Variants in SULF2 observed in about 807,000 individuals in gnomAD.
SULF2 encodes extracellular sulfatase Sulf-2.
SULF2 carries 52 observed loss-of-function variants against 107.7 expected under a neutral mutation model. That is an observed-to-expected ratio of 0.48 (90% confidence interval 0.39 to 0.61). SULF2 has a LOEUF of 0.61. Ranked by LOEUF, SULF2 falls within the 20% of genes least tolerant of loss-of-function variation. The pLI is 0.00. For synonymous variants in SULF2, 460 were observed against 464.3 expected (o/e 0.99, Z 0.12); for missense variants, 993 against 1,177.3 (o/e 0.84, Z 2.29).
At chr20:47,702,199 AG>A (rs1437032300) in intron 4 of SULF2, among the ~76,000 whole-genome samples, 1 of 152,152 alleles carries the variant, frequency 6.6e-6, no homozygotes, top group Non-Finnish European at 1.5e-5. Flanking sequence ...CTGGGTCCAC[AG>A]GCATGTGCCA....
At position 47,684,422 on chromosome 20, in the gene SULF2, G is replaced by A. The variant is rs2087928831; in HGVS notation, c.888+9C>T. 1 of 1,604,588 alleles carries A rather than the reference G, an allele frequency of 6.2e-7. No homozygotes were observed. Among genetic ancestry groups the A allele is most frequent in the African/African-American group, 1.3e-5 (1 of 74,664 alleles). On this transcript the variant is annotated intron_variant, in intron 6 of 20. Transcript: ENST00000688720. ...CACGCCCACCAAGAGGCATGCAGCG[G>A]GCGCCTACCGTCTCCATGGAGTCGT... is the stretch of plus-strand genomic sequence containing the variant.
intron 4 of SULF2, among the ~76,000 whole-genome samples, chr20:47,697,719 CA>C (rs1458387599): frequency 6.6e-6 from 1 of 152,170 alleles, no homozygotes; most frequent in Non-Finnish European, 1.5e-5. Context: ...TTCTCATTCA[CA>C]GGGGGAGATG....
intron 3 of SULF2, among the ~76,000 whole-genome samples, chr20:47,733,645 C>T (rs1037857467): frequency 2.6e-5 from 4 of 152,158 alleles, no homozygotes; most frequent in African/African-American, 7.2e-5. Flanking sequence ...TAGTGGCAGG[C>T]GTCTGTAATC....
intron 4 of SULF2, among the ~76,000 whole-genome samples, chr20:47,696,937 C>G (rs75703242): frequency 0.044 from 6,688 of 152,298 alleles, 212 homozygotes; most frequent in Non-Finnish European, 0.067. Context: ...GAGCTACAAC[C>G]AGCTGCTCCA....
intron 3 of SULF2, among the ~76,000 whole-genome samples, chr20:47,707,921 C>A (rs2088802156): frequency 6.6e-6 from 1 of 152,110 alleles, no homozygotes; most frequent in South Asian, 2.1e-4. Flanking sequence ...CAGAGTGAAA[C>A]AATCTAGGGT....
chr20:47,732,799 C>CG (rs1174497637), intron 3 of SULF2, among the ~76,000 whole-genome samples: 1 of 152,050 alleles, frequency 6.6e-6, no homozygotes, highest in African/African-American at 2.4e-5. Context: ...GCTGAGATTA[C>CG]GCCACTGCAC....
intron 1 of SULF2, among the ~76,000 whole-genome samples, chr20:47,776,876 G>C (rs2090735154): frequency 6.6e-6 from 1 of 152,218 alleles, no homozygotes; most frequent in Non-Finnish European, 1.5e-5. Flanking sequence ...ATGACTAACA[G>C]GTTTTGACAT....
chr20:47,703,170 T>C (rs556684457), intron 3 of SULF2, among the ~76,000 whole-genome samples: 9 of 152,340 alleles, frequency 5.9e-5, no homozygotes, highest in African/African-American at 1.9e-4. Context: ...GTGTTGGGAT[T>C]ACAGGCGTGA....
chr20:47,679,566 G>T (rs1602625803), intron 7 of SULF2, among the ~76,000 whole-genome samples: 1 of 152,340 alleles, frequency 6.6e-6, no homozygotes, highest in East Asian at 1.9e-4. Context: ...TCAGCAGCTA[G>T]ACTGTGAGCA....
chr20:47,780,015 C>CTTT (rs74178766), intron 1 of SULF2, among the ~76,000 whole-genome samples: 12,952 of 120,268 alleles, frequency 0.11, 966 homozygotes, highest in South Asian at 0.19. Flanking sequence ...CCCTAGTTGA[C>CTTT]TTTTTTTTTT....
rs955952243 is a variant in SULF2, at chr20:47,741,286, G to T, written c.176-4344C>A. On this transcript the variant is annotated intron_variant, in intron 2 of 20. Coordinates refer to ENST00000688720, the MANE Select transcript of SULF2 (RefSeq NM_001387048.1). ...TCCGCCCACTCTCTGCAGCCACAGG[G>T]TCCCCTGCTCTGTCCACAGACTGAC... Among the ~76,000 whole-genome samples, 4 of 150,290 alleles carry T rather than the reference G, an allele frequency of 2.7e-5. No individual in the cohort carries two copies. In the East Asian group the frequency reaches 7.9e-4, roughly 30 times the overall value.
At chr20:47,775,105 C>A (rs1286051435) in intron 1 of SULF2, among the ~76,000 whole-genome samples, 1 of 152,216 alleles carries the variant, frequency 6.6e-6, no homozygotes, top group African/African-American at 2.4e-5. Context: ...AAAAGCCACA[C>A]TGCCTGGTAT....
At chr20:47,784,648 G>A (rs1021994025) in intron 1 of SULF2, among the ~76,000 whole-genome samples, 1 of 152,196 alleles carries the variant, frequency 6.6e-6, no homozygotes. Context: ...ACAGAACGCG[G>A]TGCCCGGCAC....
intron 1 of SULF2, among the ~76,000 whole-genome samples, chr20:47,779,166 G>C (rs1017894048): frequency 6.6e-6 from 1 of 152,120 alleles, no homozygotes; most frequent in African/African-American, 2.4e-5. Context: ...ATGAATATTT[G>C]GGCTGAATCA....
intron 1 of SULF2, among the ~76,000 whole-genome samples, chr20:47,767,256 G>A (rs1284160388): frequency 6.6e-6 from 1 of 152,230 alleles, no homozygotes; most frequent in African/African-American, 2.4e-5. Flanking sequence ...CAACAGATCT[G>A]TATGCAGCAA....
chr20:47,778,740 C>G (rs991513287), intron 1 of SULF2, among the ~76,000 whole-genome samples: 1 of 152,068 alleles, frequency 6.6e-6, no homozygotes, highest in Non-Finnish European at 1.5e-5. Context: ...AGGCTCAGCC[C>G]GAGCCTTCAG....
At chr20:47,765,715 C>T (rs1250500028) in intron 1 of SULF2, among the ~76,000 whole-genome samples, 3 of 152,304 alleles carry the variant, frequency 2.0e-5, no homozygotes, top group African/African-American at 7.2e-5. Context: ...TTCCCTGTCC[C>T]CTGGGAGGTT....
At chr20:47,739,319 T>G (rs897490080) in intron 2 of SULF2, among the ~76,000 whole-genome samples, 4 of 152,206 alleles carry the variant, frequency 2.6e-5, no homozygotes, top group Admixed American at 6.5e-5. Context: ...CACTGCAGCC[T>G]CCTGGGATCT....
intron 4 of SULF2, among the ~76,000 whole-genome samples, chr20:47,692,258 T>C (rs2088221480): frequency 6.6e-6 from 1 of 152,114 alleles, no homozygotes; most frequent in Admixed American, 6.5e-5. Context: ...ATACATACCA[T>C]GATGTATTCA....
Sources: gnomAD v4.1 joint callset for allele counts (sites outside exome capture counted in the v4.1 genomes callset) on GRCh38, gnomAD v4.1.1 for gene constraint, MANE v1.5 for transcripts, NCBI Gene and HGNC (gene_info 2026-07-23, HGNC 2026-07-21) for gene names.